Variants in GALNT17 observed in about 807,000 individuals in gnomAD.
The protein encoded by GALNT17 is UDP-GalNAc:polypeptide N-acetylgalactosaminyltransferase-like 3.
In GALNT17, 29 loss-of-function variants were observed where a neutral mutation model predicts 63.7. The observed-to-expected ratio is 0.46, with a 90% CI of 0.34 to 0.62. GALNT17 has a LOEUF of 0.62. Among genes scored for constraint, GALNT17 ranks in the 20% least tolerant of loss-of-function variants. The pLI is 0.01. For missense variants in GALNT17, 603 were observed against 799.6 expected, an observed-to-expected ratio of 0.75 and a Z score of 2.97; for synonymous variants, 305 against 318.3, an observed-to-expected ratio of 0.96 and a Z score of 0.45.
intron 1 of GALNT17, among the ~76,000 whole-genome samples, chr7:71,206,370 A>G (rs1238200366): frequency 2.6e-5 from 4 of 151,928 alleles, no homozygotes; most frequent in Admixed American, 1.3e-4. Flanking sequence ...ACGAGAACAG[A>G]ATAGTGTCAT....
At chr7:71,306,004 A>T (rs1463155807) in intron 1 of GALNT17, among the ~76,000 whole-genome samples, 1 of 152,300 alleles carries the variant, frequency 6.6e-6, no homozygotes, top group East Asian at 1.9e-4. Flanking sequence ...GGATCACTTG[A>T]GGTCAGGGGC....
chr7:71,302,319 C>A (rs1398509110), intron 1 of GALNT17, among the ~76,000 whole-genome samples: 1 of 152,148 alleles, frequency 6.6e-6, no homozygotes, highest in African/African-American at 2.4e-5. Flanking sequence ...ATGTAACAAA[C>A]CTGCACATCC....
At chr7:71,464,768 C>T (rs1260355343) in intron 5 of GALNT17, among the ~76,000 whole-genome samples, 2 of 152,134 alleles carry the variant, frequency 1.3e-5, no homozygotes, top group Non-Finnish European at 2.9e-5. Flanking sequence ...GAGAGACAGA[C>T]ATGAGAAGAG....
At chr7:71,467,081 A>G (rs1354445128) in intron 5 of GALNT17, among the ~76,000 whole-genome samples, 2 of 152,152 alleles carry the variant, frequency 1.3e-5, no homozygotes, top group Admixed American at 6.5e-5. Flanking sequence ...GGCCTCTGAC[A>G]TTGGTGGGAA....
chr7:71,664,611 A>G (rs932232774), intron 6 of GALNT17, among the ~76,000 whole-genome samples: 4 of 152,150 alleles, frequency 2.6e-5, no homozygotes, highest in African/African-American at 9.7e-5. Flanking sequence ...ACCCTGTCTC[A>G]AAACAAAATA....
chr7:71,511,539 T>G (rs752660610), intron 5 of GALNT17, among the ~76,000 whole-genome samples: 4 of 152,180 alleles, frequency 2.6e-5, no homozygotes, highest in Non-Finnish European at 5.9e-5. Context: ...CCTGCAAGGC[T>G]TCTCCAGCCC....
chr7:71,712,372 T>G lies in GALNT17; in HGVS notation c.*226T>G. ...GCACCCTGGAAAAGCCCCCCACCCT[T>G]CCTCTGGGAAACTGACAGCTGTCTT... On this transcript the variant is annotated 3_prime_UTR_variant, in exon 11 of 11. Transcript: ENST00000333538. 2.3e-6 allele frequency: 1 copy of G among 425,952 alleles called. No homozygotes were observed. Among genetic ancestry groups the G allele is most frequent in the Non-Finnish European group, 4.2e-6 (1 of 236,460 alleles). The allele number at this position is 425,952 out of a possible 1,614,324, so 26.4% of individuals were successfully genotyped here.
chr7:71,555,939 CTATTT>C (rs1789157024), intron 5 of GALNT17, among the ~76,000 whole-genome samples: 2 of 152,242 alleles, frequency 1.3e-5, no homozygotes, highest in Admixed American at 1.3e-4. Flanking sequence ...CGTCAGGAAT[CTATTT>C]TATAGTCACA....
chr7:71,132,550 G>A lies in GALNT17; in HGVS notation c.-253G>A, dbSNP rs767698675. The A allele has an allele frequency of 6.5e-5, 32 of 491,174 alleles. No homozygotes were observed. The highest frequency in any genetic ancestry group is 1.0e-4 in the Non-Finnish European group (28 of 278,874). The allele number at this position is 491,174 out of a possible 1,614,324, so 30.4% of individuals were successfully genotyped here. ...AGACGCCTGGACGGGGCCGTGCGCC[G>A]TGGACTGAGCAGGCGTCTCGGGGAG... is the stretch of plus-strand genomic sequence containing the variant. On this transcript the variant is annotated 5_prime_UTR_variant, in exon 1 of 11. It adds an upstream start codon to the 5' untranslated region. Coordinates refer to ENST00000333538, the MANE Select transcript of GALNT17 (RefSeq NM_022479.3).
At chr7:71,704,719 T>G (rs965781408) in intron 9 of GALNT17, among the ~76,000 whole-genome samples, 4 of 152,140 alleles carry the variant, frequency 2.6e-5, no homozygotes, top group Non-Finnish European at 5.9e-5. Context: ...AACCCTCACA[T>G]TTATAGTCCA....
chr7:71,352,860 T>A (rs1227766177), intron 2 of GALNT17, among the ~76,000 whole-genome samples: 1 of 151,618 alleles, frequency 6.6e-6, no homozygotes, highest in Admixed American at 6.6e-5. Context: ...AGAAAAGGAG[T>A]GTTCCAGGAG....
At chr7:71,467,115 T>C (rs1787548872) in intron 5 of GALNT17, among the ~76,000 whole-genome samples, 1 of 152,194 alleles carries the variant, frequency 6.6e-6, no homozygotes, top group African/African-American at 2.4e-5. Flanking sequence ...TAGCTTCTTT[T>C]ATCTCAAGGT....
At chr7:71,488,544 T>C (rs1240436073) in intron 5 of GALNT17, among the ~76,000 whole-genome samples, 1 of 151,420 alleles carries the variant, frequency 6.6e-6, no homozygotes, top group Non-Finnish European at 1.5e-5. Flanking sequence ...CCCCCAGATA[T>C]TCCCACTGGG....
At chr7:71,169,285 C>T (rs780265822) in intron 1 of GALNT17, among the ~76,000 whole-genome samples, 2 of 152,146 alleles carry the variant, frequency 1.3e-5, no homozygotes, top group Non-Finnish European at 2.9e-5. Flanking sequence ...GGGAGTCCGC[C>T]AGCATCCCCC....
intron 5 of GALNT17, among the ~76,000 whole-genome samples, chr7:71,529,545 G>A (rs990306274): frequency 3.9e-5 from 6 of 152,320 alleles, no homozygotes; most frequent in Admixed American, 2.6e-4. Flanking sequence ...CTTCAGCCAT[G>A]GAAACGACCC....
chr7:71,595,660 G>GAC (rs61389262), intron 6 of GALNT17, among the ~76,000 whole-genome samples: 7,392 of 142,662 alleles, frequency 0.052, 196 homozygotes, highest in African/African-American at 0.081. Flanking sequence ...GAGAGACTGA[G>GAC]ACACACACAC....
intron 2 of GALNT17, among the ~76,000 whole-genome samples, chr7:71,343,567 T>C (rs1371329076): frequency 6.6e-6 from 1 of 152,208 alleles, no homozygotes; most frequent in Non-Finnish European, 1.5e-5. Flanking sequence ...TTTAAACTTG[T>C]ATGAATCCCA....
chr7:71,390,511 G>C (rs1793031098), intron 3 of GALNT17, among the ~76,000 whole-genome samples: 1 of 152,116 alleles, frequency 6.6e-6, no homozygotes, highest in Admixed American at 6.5e-5. Context: ...ACCTGAGAAT[G>C]GTTGTCTCCT....
At chr7:71,274,060 TG>T (rs1205150074) in intron 1 of GALNT17, among the ~76,000 whole-genome samples, 7 of 152,366 alleles carry the variant, frequency 4.6e-5, no homozygotes, top group Non-Finnish European at 8.8e-5. Flanking sequence ...ACCAGCCCTC[TG>T]GGTAGGGCGA....
Sources: gnomAD v4.1 joint callset for allele counts (sites outside exome capture counted in the v4.1 genomes callset) on GRCh38, gnomAD v4.1.1 for gene constraint, MANE v1.5 for transcripts, NCBI Gene and HGNC (gene_info 2026-07-23, HGNC 2026-07-21) for gene names.